RIMKLB: variants seen among roughly 807,000 people sequenced by gnomAD.
The protein encoded by RIMKLB is ribosomal modification protein rimK like family member B.
In RIMKLB, 7 loss-of-function variants were observed where a neutral mutation model predicts 32.0. The ratio of observed to expected loss-of-function variants is 0.22; its 90% CI spans 0.12 to 0.41. The LOEUF (loss-of-function observed/expected upper bound fraction) is 0.41. Ranked by LOEUF, RIMKLB falls within the 10% of genes least tolerant of loss-of-function variation. The probability of loss-of-function intolerance (pLI) is 1.00; values close to 1 mark genes in which losing one functional copy is unlikely to be tolerated. For missense variants in RIMKLB, 289 were observed against 498.7 expected (o/e 0.58, Z 4.00); for synonymous variants, 172 against 185.1 (o/e 0.93, Z 0.57).
chr12:8,694,873 CAT>C (rs1942839818), upstream of RIMKLB, among the ~76,000 whole-genome samples: 1 of 152,194 alleles, frequency 6.6e-6, no homozygotes, highest in Non-Finnish European at 1.5e-5. Flanking sequence ...CATATCTAAA[CAT>C]TGTATAATTT....
At chr12:8,748,257 T>G (rs1381397819) in intron 2 of RIMKLB, among the ~76,000 whole-genome samples, 1 of 152,198 alleles carries the variant, frequency 6.6e-6, no homozygotes, top group Non-Finnish European at 1.5e-5. Context: ...ATTCTGCAGT[T>G]TTCAGTTACC....
At chr12:8,681,214 C>T (rs115842351), upstream of RIMKLB, among the ~76,000 whole-genome samples, 1,483 of 152,194 alleles carry the variant, frequency 9.7e-3, 22 homozygotes, top group African/African-American at 0.034. Flanking sequence ...ATCCACCCTC[C>T]TCCGCCTCCC....
At chr12:8,777,788 C>T, downstream of RIMKLB, 1 of 836,802 alleles carries the variant, frequency 1.2e-6, no homozygotes, top group Non-Finnish European at 1.5e-6. Flanking sequence ...AGGCACAGCC[C>T]CAGTCTGCCT....
chr12:8,680,239 T>G (rs1942381102), upstream of RIMKLB, among the ~76,000 whole-genome samples: 1 of 152,232 alleles, frequency 6.6e-6, no homozygotes, highest in South Asian at 2.1e-4. Flanking sequence ...CACTGCAAGT[T>G]CCGCCTCCCA....
At chr12:8,719,070 C>A (rs1187393765) in intron 2 of RIMKLB, among the ~76,000 whole-genome samples, 1 of 152,090 alleles carries the variant, frequency 6.6e-6, no homozygotes, top group Non-Finnish European at 1.5e-5. Flanking sequence ...TCCTTCCCTC[C>A]CTCTCACCCA....
chr12:8,727,707 TG>T (rs1402537273), intron 2 of RIMKLB, among the ~76,000 whole-genome samples: 2 of 152,106 alleles, frequency 1.3e-5, no homozygotes, highest in Non-Finnish European at 2.9e-5. Flanking sequence ...AAGACCAGCC[TG>T]GCCAACATGG....
intron 5 of RIMKLB, among the ~76,000 whole-genome samples, chr12:8,756,885 T>C (rs1047347154): frequency 2.0e-5 from 3 of 151,808 alleles, no homozygotes; most frequent in Non-Finnish European, 4.4e-5. Context: ...AGAGATGGGG[T>C]TTCACCATGT....
At chr12:8,755,010 G>A (rs1216106955) in intron 5 of RIMKLB, among the ~76,000 whole-genome samples, 1 of 152,132 alleles carries the variant, frequency 6.6e-6, no homozygotes, top group Non-Finnish European at 1.5e-5. Flanking sequence ...GGAATGCAGT[G>A]GTGCAATCTC....
intron 5 of RIMKLB, among the ~76,000 whole-genome samples, chr12:8,761,202 G>T (rs941021764): frequency 6.6e-6 from 1 of 150,874 alleles, no homozygotes; most frequent in African/African-American, 2.4e-5. Context: ...AAATTAGCTT[G>T]GCATGCTGGC....
In RIMKLB at chr12:8,775,537, C is replaced by T; in HGVS notation, c.*1753C>T. 1.0e-6 allele frequency: 1 copy of T among 985,758 alleles called. No homozygotes were observed. The highest frequency in any genetic ancestry group is 1.2e-6 in the Non-Finnish European group (1 of 829,884). The allele number at this position is 985,758 out of a possible 1,614,324, so 61.1% of individuals were successfully genotyped here. On this transcript the variant is annotated 3_prime_UTR_variant, in exon 6 of 6. Coordinates refer to ENST00000535829, the MANE Select transcript of RIMKLB (RefSeq NM_001297776.2). Reference sequence around the variant, plus strand: ...TTCTTGCCTCTCCAGTGCTATTTTCCTTCAGATGGACCTTAAACATAATTT... The same window carrying T: ...TTCTTGCCTCTCCAGTGCTATTTTCTTTCAGATGGACCTTAAACATAATTT...
At chr12:8,683,770 A>G (rs1425364094) in intron 1 of RIMKLB, among the ~76,000 whole-genome samples, 3 of 152,186 alleles carry the variant, frequency 2.0e-5, no homozygotes, top group Non-Finnish European at 4.4e-5. Context: ...TGTTTGAGAC[A>G]GAGTCTCGCT....
At chr12:8,681,303 C>T (rs188117783), upstream of RIMKLB, among the ~76,000 whole-genome samples, 2 of 151,690 alleles carry the variant, frequency 1.3e-5, no homozygotes, top group African/African-American at 4.9e-5. Flanking sequence ...AGGGCTGCTG[C>T]CAATGTAAAC....
At position 8,748,669 on chromosome 12, in the gene RIMKLB, C is replaced by T. The variant is rs116114237; in HGVS notation, c.176-1193C>T. Among the ~76,000 whole-genome samples the T allele has an allele frequency of 2.3e-3, 352 of 150,810 alleles. 4 individuals carry two copies. Among genetic ancestry groups the T allele is most frequent in the African/African-American group, 8.2e-3 (339 of 41,110 alleles). The stretch of plus-strand genomic sequence containing the variant: ...GGTTTAAGAAGAAACTCGGGGCGGC[C>T]GTGGTGGCTCATGCCTGTAAGCATT... On this transcript the variant is annotated intron_variant, in intron 2 of 5. Transcript: ENST00000535829.
chr12:8,769,246 ATGT>A (rs897561946), intron 5 of RIMKLB, among the ~76,000 whole-genome samples: 7 of 151,946 alleles, frequency 4.6e-5, no homozygotes, highest in African/African-American at 1.2e-4. Context: ...TGACTTACTA[ATGT>A]TGTCAGAGAA....
chr12:8,696,453 C>G (rs1942891724), upstream of RIMKLB, among the ~76,000 whole-genome samples: 1 of 152,168 alleles, frequency 6.6e-6, no homozygotes, highest in South Asian at 2.1e-4. Flanking sequence ...TCTCACTGAC[C>G]TAACATTATA....
chr12:8,746,014 C>T (rs1207978781), intron 2 of RIMKLB, among the ~76,000 whole-genome samples: 4 of 151,776 alleles, frequency 2.6e-5, no homozygotes, highest in Non-Finnish European at 5.9e-5. Context: ...AATATTTAAA[C>T]ATAAATACAC....
At position 8,774,880 on chromosome 12, in the gene RIMKLB, A is replaced by G. The variant is rs1040954028; in HGVS notation, c.*1096A>G. On this transcript the variant is annotated 3_prime_UTR_variant, in exon 6 of 6. Transcript: ENST00000535829. ...ACATTTTACGAGGGAGTATATGTGT[A>G]TGTGTGTGCACGCATGCATGTGTAT... 1.0e-6 allele frequency: 1 copy of G among 985,672 alleles called. No homozygotes were observed. Among genetic ancestry groups the G allele is most frequent in the Non-Finnish European group, 1.2e-6 (1 of 829,834 alleles). 61.1% of individuals were successfully genotyped at this position (985,672 alleles called of 1,614,324 possible).
chr12:8,777,296 G>A, downstream of RIMKLB: 1 of 972,588 alleles, frequency 1.0e-6, no homozygotes, highest in Non-Finnish European at 1.2e-6. Flanking sequence ...CACCTTTGGA[G>A]CTTGGATTTT....
chr12:8,777,306 T>G, downstream of RIMKLB: 1 of 984,476 alleles, frequency 1.0e-6, no homozygotes, highest in South Asian at 4.7e-5. Context: ...GCTTGGATTT[T>G]GGAATGTTTC....
Sources: allele counts gnomAD v4.1 joint callset (sites outside exome capture counted in the v4.1 genomes callset), GRCh38; gene constraint gnomAD v4.1.1; transcripts MANE v1.5; gene names NCBI Gene and HGNC (gene_info 2026-07-23, HGNC 2026-07-21).